Variants in ZYG11B observed in about 807,000 individuals in gnomAD.
ZYG11B encodes the protein protein zyg-11 homolog B.
In ZYG11B, 36 loss-of-function variants were observed where a neutral mutation model predicts 82.4. That is an observed-to-expected ratio of 0.44 (90% confidence interval 0.33 to 0.58). The LOEUF (loss-of-function observed/expected upper bound fraction) is 0.58, where lower values mean the gene tolerates loss of function less well. ZYG11B is among the 20% of genes least tolerant of loss of function. The pLI, the probability that ZYG11B is intolerant of heterozygous loss-of-function variation, is 0.02. For missense variants in ZYG11B, 552 were observed against 895.6 expected (o/e 0.62, Z 4.90); for synonymous variants, 303 against 312.8 (o/e 0.97, Z 0.33).
chr1:52,781,883 T>C (rs1644859615), intron 4 of ZYG11B, among the ~76,000 whole-genome samples: 1 of 152,074 alleles, frequency 6.6e-6, no homozygotes, highest in Admixed American at 6.6e-5. Flanking sequence ...CACCTGTCAC[T>C]CCTTTTATAT....
intron 1 of ZYG11B, among the ~76,000 whole-genome samples, chr1:52,728,169 T>C (rs1644300714): frequency 6.6e-6 from 1 of 152,216 alleles, no homozygotes; most frequent in Non-Finnish European, 1.5e-5. Context: ...GGTGCTTGAA[T>C]GATTCACTTT....
At chr1:52,817,817 T>TATA (rs1558145372) in intron 13 of ZYG11B, among the ~76,000 whole-genome samples, 16 of 8,558 alleles carry the variant, frequency 1.9e-3, no homozygotes, top group Non-Finnish European at 3.8e-3. Context: ...ATATATATAT[T>TATA]TTTTTTTTTT....
intron 1 of ZYG11B, among the ~76,000 whole-genome samples, chr1:52,730,395 C>T (rs924363951): frequency 7.2e-5 from 11 of 152,032 alleles, no homozygotes; most frequent in East Asian, 5.8e-4. Context: ...GGCGTGATTA[C>T]GGCTCATTGC....
In ZYG11B at chr1:52,780,045, A is replaced by G. The variant is rs764551290; in HGVS notation, c.1092+52A>G. On this transcript the variant is annotated intron_variant, in intron 4 of 13. Transcript: ENST00000294353. Reference sequence around the variant, plus strand: ...TTTTTGAAATGATCTCCCTGGGCAGATGATTTTTTGAAGAAAATTGGTGAA... The same window carrying G: ...TTTTTGAAATGATCTCCCTGGGCAGGTGATTTTTTGAAGAAAATTGGTGAA... 11 of 1,539,970 alleles carry G rather than the reference A, an allele frequency of 7.1e-6. No homozygotes were observed. The East Asian group carries it at 2.1e-4, about 29-fold the overall frequency.
chr1:52,803,279 C>CATATAT (rs1553262863), intron 10 of ZYG11B, among the ~76,000 whole-genome samples: 994 of 68,094 alleles, frequency 0.015, 35 homozygotes, highest in Middle Eastern at 0.026. Context: ...CACACACACA[C>CATATAT]ATATATATAT....
chr1:52,783,893 C>CACGTGTGTGTGTGTATGTACATAT (rs1553260833), intron 4 of ZYG11B, among the ~76,000 whole-genome samples: 15 of 81,968 alleles, frequency 1.8e-4, no homozygotes, highest in African/African-American at 6.2e-4. Flanking sequence ...TATGTACATA[C>CACGTGTGTGTGTGTATGTACATAT]ACGTGTGTGT....
chr1:52,796,900 TTA>T (rs539182645), intron 8 of ZYG11B, 116 bp downstream of exon 8: 2,230 of 106,392 alleles, frequency 0.021, 104 homozygotes, highest in African/African-American at 0.09. Flanking sequence ...TAATATATAA[TTA>T]TATATATATT....
At chr1:52,783,452 C>A (rs2149946448) in intron 4 of ZYG11B, among the ~76,000 whole-genome samples, 1 of 151,936 alleles carries the variant, frequency 6.6e-6, no homozygotes, top group East Asian at 1.9e-4. Flanking sequence ...AATTATCTAA[C>A]ATATACATGA....
chr1:52,763,555 A>T (rs1357002304), intron 2 of ZYG11B, among the ~76,000 whole-genome samples: 1 of 151,990 alleles, frequency 6.6e-6, no homozygotes, highest in Non-Finnish European at 1.5e-5. Context: ...GCTGGGCTCA[A>T]GCAATCCTCC....
intron 1 of ZYG11B, 96 bp from the exon 2 acceptor site, chr1:52,756,362 T>C: frequency 8.4e-7 from 1 of 1,193,484 alleles, no homozygotes; most frequent in Non-Finnish European, 1.2e-6. Context: ...AAAGAAATAC[T>C]TGTGAAATGA....
intron 2 of ZYG11B, among the ~76,000 whole-genome samples, chr1:52,768,033 C>G (rs1386971834): frequency 6.6e-6 from 1 of 152,144 alleles, no homozygotes; most frequent in Non-Finnish European, 1.5e-5. Flanking sequence ...CAGATTGGGG[C>G]AAGTAATTAC....
intron 2 of ZYG11B, among the ~76,000 whole-genome samples, chr1:52,758,953 A>T (rs1427525888): frequency 6.6e-6 from 1 of 151,992 alleles, no homozygotes; most frequent in African/African-American, 2.4e-5. Flanking sequence ...TTATTTTGAG[A>T]TGGAGTCTTG....
chr1:52,748,066 A>C (rs1315683373), intron 1 of ZYG11B, among the ~76,000 whole-genome samples: 1 of 152,250 alleles, frequency 6.6e-6, no homozygotes, highest in African/African-American at 2.4e-5. Flanking sequence ...TTAGTAGAGT[A>C]GTTAAGAACT....
Position 52,806,204 on chromosome 1 carries a change from T to C in ZYG11B, c.1695+4065T>C, listed in dbSNP as rs183943571. On this transcript the variant is annotated intron_variant, in intron 10 of 13. Coordinates refer to ENST00000294353, the MANE Select transcript of ZYG11B (RefSeq NM_024646.3). ...CAAGGATATGGTCTATTTTGGTAAA[T>C]ATTCCATGTACACTTGAGAGGAATG... is the stretch of plus-strand genomic sequence containing the variant. 2.6e-5 allele frequency among the ~76,000 whole-genome samples: 4 copies of C among 152,282 alleles called. No individual in the cohort carries two copies. In the East Asian group the frequency reaches 7.7e-4, roughly 29 times the overall value.
At chr1:52,815,518 G>A (rs1326917679) in intron 12 of ZYG11B, among the ~76,000 whole-genome samples, 1 of 152,080 alleles carries the variant, frequency 6.6e-6, no homozygotes, top group East Asian at 1.9e-4. Context: ...TGCTTGGGAG[G>A]CTAAGGTGGG....
intron 7 of ZYG11B, 106 bp from the exon 8 acceptor site, chr1:52,796,628 T>A: frequency 1.9e-6 from 2 of 1,047,020 alleles, no homozygotes; most frequent in Non-Finnish European, 2.8e-6. Context: ...GAATTCCAAG[T>A]TGATCAGAGA....
At position 52,803,220 on chromosome 1, in the gene ZYG11B, A is replaced by AGC. The variant is rs1645105230; in HGVS notation, c.1695+1081_1695+1082insGC. 8.0e-5 allele frequency among the ~76,000 whole-genome samples: 6 copies of AGC among 74,750 alleles called. 2 individuals carry two copies. Among genetic ancestry groups the AGC allele is most frequent in the African/African-American group, 4.9e-4 (5 of 10,244 alleles). The allele number at this position is 74,750 out of a possible 152,430, so 49.0% of individuals were successfully genotyped here. A position where few individuals can be genotyped will look rare whatever the true frequency, so the allele number is the denominator to read the frequency against. On this transcript the variant is annotated intron_variant, in intron 10 of 13. Coordinates refer to ENST00000294353, the MANE Select transcript of ZYG11B (RefSeq NM_024646.3). ...TATATATATACACACACATATATAT[A>AGC]TATACACACATATATATATACACAC...
intron 1 of ZYG11B, among the ~76,000 whole-genome samples, chr1:52,740,565 C>CT (rs57309331): frequency 0.088 from 10,997 of 124,928 alleles, 711 homozygotes; most frequent in East Asian, 0.21. Context: ...GTACTACCTT[C>CT]TTTTTTTTTT....
intron 3 of ZYG11B, among the ~76,000 whole-genome samples, chr1:52,777,886 T>G (rs1644822754): frequency 2.0e-5 from 3 of 152,198 alleles, no homozygotes. Context: ...TGAATGACGT[T>G]TTTTGGCATT....
Sources: gnomAD v4.1 joint callset for allele counts (sites outside exome capture counted in the v4.1 genomes callset) on GRCh38, gnomAD v4.1.1 for gene constraint, MANE v1.5 for transcripts, NCBI Gene and HGNC (gene_info 2026-07-23, HGNC 2026-07-21) for gene names.